The following CNTN4 variants were observed in gnomAD, a reference collection of about 807,000 sequenced individuals.
The protein encoded by CNTN4 is contactin 4, also known as contactin-4.
CNTN4 carries 77 observed loss-of-function variants against 122.5 expected under a neutral mutation model. The observed-to-expected ratio is 0.63, with a 90% CI of 0.52 to 0.76. CNTN4 has a LOEUF of 0.76. Among genes scored for constraint, CNTN4 ranks in the 30% least tolerant of loss-of-function variants. The probability of loss-of-function intolerance (pLI) is 0.00; values close to 1 mark genes in which losing one functional copy is unlikely to be tolerated. For missense variants in CNTN4, 1,256 were observed against 1,259.1 expected (o/e 1.00, Z 0.04); for synonymous variants, 512 against 447.0 (o/e 1.15, Z -1.83).
chr3:2,900,840 A>T lies in CNTN4; in HGVS notation c.1077+19A>T. On this transcript the variant is annotated intron_variant, in intron 11 of 24. Transcript: ENST00000418658. ...AACTCGGGTAAGCAAGTTAATGGTA[A>T]TTGTGCCTTAGTCTTGACTATAACG... The T allele has an allele frequency of 6.2e-7, 1 of 1,613,700 alleles. No homozygotes were observed. Among genetic ancestry groups the T allele is most frequent in the Non-Finnish European group, 8.5e-7 (1 of 1,179,626 alleles).
At chr3:2,929,679 C>T (rs1290836175) in intron 13 of CNTN4, among the ~76,000 whole-genome samples, 2 of 152,220 alleles carry the variant, frequency 1.3e-5, no homozygotes, top group East Asian at 1.9e-4. Context: ...CCAACAGGCT[C>T]TCCTCTCCTG....
intron 3 of CNTN4, among the ~76,000 whole-genome samples, chr3:2,566,894 T>C (rs1476743032): frequency 6.6e-6 from 1 of 152,172 alleles, no homozygotes; most frequent in East Asian, 1.9e-4. Flanking sequence ...GAAGTATTCT[T>C]AGTAATTAGA....
chr3:2,945,877 A>G (rs913904516), intron 13 of CNTN4, among the ~76,000 whole-genome samples: 4 of 152,212 alleles, frequency 2.6e-5, no homozygotes, highest in African/African-American at 4.8e-5. Flanking sequence ...ATACATCACA[A>G]TATAGTTATG....
At chr3:2,672,227 G>A (rs1261460448) in intron 4 of CNTN4, among the ~76,000 whole-genome samples, 1 of 152,230 alleles carries the variant, frequency 6.6e-6, no homozygotes, top group Non-Finnish European at 1.5e-5. Flanking sequence ...GTCTACAGAG[G>A]CAGGTAGGCC....
chr3:2,417,506 C>T (rs1222861544), intron 3 of CNTN4, among the ~76,000 whole-genome samples: 1 of 152,192 alleles, frequency 6.6e-6, no homozygotes, highest in Non-Finnish European at 1.5e-5. Context: ...CCGATTCCCT[C>T]ATTTTAATAA....
intron 7 of CNTN4, among the ~76,000 whole-genome samples, chr3:2,853,390 G>A (rs2150690404): frequency 6.6e-6 from 1 of 152,118 alleles, no homozygotes; most frequent in Non-Finnish European, 1.5e-5. Flanking sequence ...GGCTACAGGT[G>A]CCCACGACCA....
intron 3 of CNTN4, among the ~76,000 whole-genome samples, chr3:2,500,187 T>C (rs2076558990): frequency 6.6e-6 from 1 of 152,138 alleles, no homozygotes; most frequent in Non-Finnish European, 1.5e-5. Flanking sequence ...AGTATTTTTA[T>C]CTTCCCCTGA....
chr3:2,796,877 C>T (rs553593566), intron 6 of CNTN4, among the ~76,000 whole-genome samples: 8 of 152,304 alleles, frequency 5.3e-5, no homozygotes, highest in Admixed American at 3.3e-4. Flanking sequence ...CTTTCCAAAA[C>T]CCAGATACTA....
chr3:2,170,641 C>G (rs1011534251), intron 2 of CNTN4, among the ~76,000 whole-genome samples: 1 of 151,904 alleles, frequency 6.6e-6, no homozygotes, highest in Admixed American at 6.6e-5. Flanking sequence ...CTTAATGAAC[C>G]TAAATTTGAT....
chr3:2,784,494 A>G (rs1163582570), intron 6 of CNTN4, among the ~76,000 whole-genome samples: 1 of 152,220 alleles, frequency 6.6e-6, no homozygotes, highest in Non-Finnish European at 1.5e-5. Context: ...CATACAACTA[A>G]GAAGTGGTAG....
chr3:2,480,111 G>A (rs190245227), intron 3 of CNTN4, among the ~76,000 whole-genome samples: 179 of 150,226 alleles, frequency 1.2e-3, no homozygotes, highest in African/African-American at 4.0e-3. Context: ...ATAGAGAAGC[G>A]CTTCCTCAAC....
At chr3:2,837,115 T>G (rs945466475) in intron 7 of CNTN4, among the ~76,000 whole-genome samples, 1 of 152,208 alleles carries the variant, frequency 6.6e-6, no homozygotes, top group African/African-American at 2.4e-5. Context: ...AAGAATGGTT[T>G]CTATGGTTGA....
chr3:2,401,780 A>C (rs1181038306), intron 3 of CNTN4, among the ~76,000 whole-genome samples: 1 of 152,180 alleles, frequency 6.6e-6, no homozygotes. Context: ...AACTTTGTAG[A>C]GGTTAAAACT....
intron 4 of CNTN4, among the ~76,000 whole-genome samples, chr3:2,606,128 T>C (rs2619558): frequency 0.91 from 138,185 of 152,174 alleles, 62,963 homozygotes; most frequent in East Asian, 0.99. Context: ...GCAGTTTAAA[T>C]ATCGAATGGG....
intron 3 of CNTN4, among the ~76,000 whole-genome samples, chr3:2,396,698 C>G (rs1328409358): frequency 6.7e-6 from 1 of 149,530 alleles, no homozygotes; most frequent in South Asian, 2.1e-4. Flanking sequence ...CTCTTCTGTG[C>G]TGTCATACAT....
Position 2,851,042 on chromosome 3 carries a change from G to A in CNTN4, c.455-15710G>A, listed in dbSNP as rs552805717. Among the ~76,000 whole-genome samples the A allele has an allele frequency of 5.0e-3, 757 of 152,278 alleles. 6 individuals are homozygous for A. Among genetic ancestry groups the A allele is most frequent in the Non-Finnish European group, 8.1e-3 (553 of 68,016 alleles). On this transcript the variant is annotated intron_variant, in intron 7 of 24. Transcript: ENST00000418658. ...GCCAATTTAAAGTGACAGACAAAAAGCTAGAAATCGAAGGTGGGTACAATG... is the reference window on the plus strand; with the variant it reads ...GCCAATTTAAAGTGACAGACAAAAAACTAGAAATCGAAGGTGGGTACAATG...
At chr3:2,529,629 A>G (rs1202570786) in intron 3 of CNTN4, among the ~76,000 whole-genome samples, 1 of 152,182 alleles carries the variant, frequency 6.6e-6, no homozygotes, top group East Asian at 1.9e-4. Flanking sequence ...TCAACATGAG[A>G]GGAGACATTG....
At chr3:2,439,951 T>G (rs2048376236) in intron 3 of CNTN4, among the ~76,000 whole-genome samples, 1 of 152,174 alleles carries the variant, frequency 6.6e-6, no homozygotes. Flanking sequence ...TTTTTAGTTT[T>G]AGCCTTAGGA....
chr3:2,739,490 A>G (rs557024969), intron 5 of CNTN4, among the ~76,000 whole-genome samples: 8 of 150,438 alleles, frequency 5.3e-5, no homozygotes, highest in Non-Finnish European at 1.2e-4. Flanking sequence ...AGATCTCAAG[A>G]ACATAATTTT....
Sources: allele counts gnomAD v4.1 joint callset (sites outside exome capture counted in the v4.1 genomes callset), GRCh38; gene constraint gnomAD v4.1.1; transcripts MANE v1.5; gene names NCBI Gene and HGNC (gene_info 2026-07-23, HGNC 2026-07-21).